SMG1: variants seen among roughly 807,000 people sequenced by gnomAD.
SMG1 encodes the protein serine/threonine-protein kinase SMG1.
Under a neutral mutation model 419.9 loss-of-function variants are expected in SMG1, and 22 were observed. The ratio of observed to expected loss-of-function variants is 0.05; its 90% confidence interval spans 0.04 to 0.07. SMG1 has a LOEUF of 0.07. Among genes scored for constraint, SMG1 ranks in the 10% least tolerant of loss-of-function variants. The pLI is 1.00. For missense variants in SMG1, 3,185 were observed against 4,342.0 expected, an observed-to-expected ratio of 0.73 and a Z score of 7.49; for synonymous variants, 1,538 against 1,553.5, an observed-to-expected ratio of 0.99 and a Z score of 0.23.
chr16:18,848,972 G>C (rs905775117), intron 36 of SMG1, among the ~76,000 whole-genome samples: 8 of 148,718 alleles, frequency 5.4e-5, no homozygotes, highest in African/African-American at 2.0e-4. Flanking sequence ...TCGGGAAGCT[G>C]AGGCAGAGAA....
chr16:18,888,979 C>T (rs372888382), intron 6 of SMG1, among the ~76,000 whole-genome samples: 11 of 151,744 alleles, frequency 7.2e-5, no homozygotes, highest in African/African-American at 2.2e-4. Flanking sequence ...CCCACCACCA[C>T]GCCTGGCTAA....
chr16:18,826,844 G>A (rs1173831740), intron 55 of SMG1, among the ~76,000 whole-genome samples: 2 of 41,698 alleles, frequency 4.8e-5, no homozygotes, highest in African/African-American at 1.6e-4. Context: ...AATGGCGGGC[G>A]CCCCTCCCCC....
chr16:18,903,995 T>C (rs2037455580), intron 1 of SMG1, among the ~76,000 whole-genome samples: 1 of 136,802 alleles, frequency 7.3e-6, no homozygotes. Flanking sequence ...TGAAGTGCGG[T>C]GACGTGATCT....
intron 60 of SMG1, among the ~76,000 whole-genome samples, chr16:18,813,658 T>C (rs1167554186): frequency 4.6e-5 from 7 of 152,186 alleles, no homozygotes; most frequent in Non-Finnish European, 7.4e-5. Flanking sequence ...CAGAAGCTCT[T>C]TAGTTTAATT....
chr16:18,816,000 G>C, intron 58 of SMG1: 1 of 462,156 alleles, frequency 2.2e-6, no homozygotes, highest in Non-Finnish European at 3.8e-6. Context: ...CTAAGAAAGA[G>C]AAAGACAAGC....
chr16:18,917,208 A>G (rs566377928), intron 1 of SMG1, among the ~76,000 whole-genome samples: 213 of 152,182 alleles, frequency 1.4e-3, no homozygotes, highest in Middle Eastern at 3.4e-3. Context: ...GCTGGAGTAC[A>G]ATGGCCCGAT....
chr16:18,901,899 C>A (rs2037359406), intron 1 of SMG1, among the ~76,000 whole-genome samples: 2 of 142,648 alleles, frequency 1.4e-5, no homozygotes, highest in Non-Finnish European at 3.0e-5. Flanking sequence ...GAGCTGAGAT[C>A]ATGCCACTGC....
At chr16:18,878,457 G>C (rs1293729583) in intron 11 of SMG1, 2 of 151,736 alleles carry the variant, frequency 1.3e-5, no homozygotes, top group Non-Finnish European at 2.9e-5. Flanking sequence ...AAAATACAAA[G>C]GTTAGCCAGG....
rs752506335 is a variant in SMG1 at position 18,839,929 on chromosome 16, T to C, written c.6714A>G (p.Gln2238=). The part of the protein sequence containing the change: ...LQAQKAQDSY[Q]TPQNPGIVPR... ...GTACAATTCCAGGATTCTGAGGAGT[T>C]TGGTAGGAATCTTGGGCCTTAAGAA... is the stretch of plus-strand genomic sequence containing the variant. The change falls in exon 42 of 63, where the codon CAA becomes CAG. Residue 2238 remains glutamine (Q), a synonymous_variant. Transcript: ENST00000446231. 10 of 1,596,174 alleles carry C rather than the reference T, an allele frequency of 6.3e-6. No individual in the cohort carries two copies. The highest frequency in any genetic ancestry group is 4.0e-5 in the African/African-American group (3 of 74,522).
At chr16:18,814,574 C>T (rs2031807672) in intron 60 of SMG1, among the ~76,000 whole-genome samples, 2 of 151,912 alleles carry the variant, frequency 1.3e-5, no homozygotes, top group Admixed American at 6.6e-5. Flanking sequence ...TACTCTCTCA[C>T]GAGTTGTTTC....
intron 1 of SMG1, among the ~76,000 whole-genome samples, chr16:18,901,252 C>T (rs1231651656): frequency 1.3e-5 from 2 of 152,116 alleles, no homozygotes; most frequent in African/African-American, 2.4e-5. Context: ...GAGACAGGGT[C>T]TCACTCTGTC....
At chr16:18,876,665 T>TTG (rs72365016) in intron 12 of SMG1, among the ~76,000 whole-genome samples, 1 of 4,164 alleles carries the variant, frequency 2.4e-4, no homozygotes, top group African/African-American at 9.9e-4. Context: ...GAAATGGCCG[T>TTG]TTTTTTTTTT....
chr16:18,827,439 T>C (rs1281977785), intron 55 of SMG1, among the ~76,000 whole-genome samples: 1 of 146,724 alleles, frequency 6.8e-6, no homozygotes, highest in African/African-American at 2.5e-5. Flanking sequence ...AATATATATA[T>C]ATAGGTATAA....
intron 27 of SMG1, 131 bp from the exon 28 acceptor site, chr16:18,859,312 A>G (rs2035086691): frequency 4.5e-6 from 3 of 661,126 alleles, no homozygotes; most frequent in East Asian, 5.4e-5. Context: ...AGCCTGCTCT[A>G]TAATAAAATG....
In SMG1 at chr16:18,829,708, T is replaced by C. The variant is rs2033030305; in HGVS notation, c.9181A>G (p.Ile3061Val). Residue 3061 changes from isoleucine (I) to valine (V), a missense_variant, in exon 54 of 63, where the codon ATT (isoleucine) becomes GTT (valine). Ile to Val is a conservative substitution (Grantham distance 29). This residue lies in a region of SMG1 where 737 missense variants were observed against 846.6 expected (regional missense o/e 0.87). Transcript: ENST00000446231. ...CTAAAAAGGGTTTTCACATTGACAA[T>C]CTGTACAGGCCCATTCACAGTATTC... ...DQNTVNGPVQIVNVKTLFRNS... is the reference protein window; with the variant it reads ...DQNTVNGPVQVVNVKTLFRNS... 9 of 1,613,824 alleles carry C rather than the reference T, an allele frequency of 5.6e-6. No homozygotes were observed. The highest frequency in any genetic ancestry group is 1.7e-6 in the Non-Finnish European group (2 of 1,179,894).
Position 18,884,850 on chromosome 16 carries a change from C to T in SMG1, c.1021+240G>A. On this transcript the variant is annotated intron_variant, in intron 8 of 62. Coordinates refer to ENST00000446231, the MANE Select transcript of SMG1 (RefSeq NM_015092.5). ...CAATATATTCTTACCATACACTTTCCTACCAGTACAAACTACAAATAACTT... is the reference window on the plus strand; with the variant it reads ...CAATATATTCTTACCATACACTTTCTTACCAGTACAAACTACAAATAACTT... 6.0e-6 allele frequency: 3 copies of T among 497,478 alleles called. 1 individual carries two copies. The highest frequency in any genetic ancestry group is 2.7e-5 in the South Asian group (1 of 37,066). The allele number at this position is 497,478 out of a possible 1,614,324, so 30.8% of individuals were successfully genotyped here.
At chr16:18,813,153 A>G (rs948876972) in intron 60 of SMG1, among the ~76,000 whole-genome samples, 19 of 152,294 alleles carry the variant, frequency 1.2e-4, no homozygotes, top group African/African-American at 4.6e-4. Context: ...TCTTTATAGC[A>G]GCATGATTTA....
intron 57 of SMG1, 65 bp downstream of exon 57, chr16:18,817,221 ATATAT>A: frequency 7.9e-7 from 1 of 1,269,086 alleles, no homozygotes; most frequent in Non-Finnish European, 1.1e-6. Flanking sequence ...ATCGGAATGT[ATATAT>A]TAAATTGATT....
chr16:18,821,221 C>CTTTTTTTT (rs869238782), intron 55 of SMG1, among the ~76,000 whole-genome samples: 76 of 35,594 alleles, frequency 2.1e-3, no homozygotes, highest in Non-Finnish European at 2.6e-3. Context: ...TAGTATGTTT[C>CTTTTTTTT]TTTTTTTTTT....
Sources: allele counts gnomAD v4.1 joint callset (sites outside exome capture counted in the v4.1 genomes callset), GRCh38; gene constraint gnomAD v4.1.1; regional missense constraint gnomAD v4.1.1; transcripts MANE v1.5; gene names NCBI Gene and HGNC (gene_info 2026-07-23, HGNC 2026-07-21).